Variants in MAGI1 observed in about 807,000 individuals in gnomAD.
The protein encoded by MAGI1 is membrane associated guanylate kinase, WW and PDZ domain containing 1.
A neutral mutation model predicts 139.9 loss-of-function variants in MAGI1; 58 were observed. The observed-to-expected ratio is 0.41, with a 90% confidence interval of 0.34 to 0.52. The LOEUF is 0.52. Ranked by LOEUF, MAGI1 falls within the 20% of genes least tolerant of loss-of-function variation. The probability of loss-of-function intolerance (pLI) is 0.12; values close to 1 mark genes in which losing one functional copy is unlikely to be tolerated. For synonymous variants in MAGI1, 812 were observed against 737.9 expected (o/e 1.10, Z -1.63); for missense variants, 1,874 against 1,901.6 (o/e 0.99, Z 0.27).
intron 1 of MAGI1, among the ~76,000 whole-genome samples, chr3:65,716,224 A>G (rs1452487246): frequency 6.6e-6 from 1 of 152,222 alleles, no homozygotes; most frequent in East Asian, 1.9e-4. Flanking sequence ...ATAGTTTCAC[A>G]CAGAGAATGA....
At chr3:65,387,339 G>A in intron 14 of MAGI1, 2 of 707,574 alleles carry the variant, frequency 2.8e-6, no homozygotes, top group Non-Finnish European at 4.8e-6. Flanking sequence ...CACAATAAAG[G>A]TCATGGCTGT....
intron 1 of MAGI1, among the ~76,000 whole-genome samples, chr3:65,889,431 G>C (rs1402239850): frequency 1.3e-5 from 2 of 152,182 alleles, no homozygotes; most frequent in African/African-American, 4.8e-5. Flanking sequence ...TTTCAGTACA[G>C]AGTCATGATT....
intron 1 of MAGI1, among the ~76,000 whole-genome samples, chr3:65,824,208 T>G (rs566765247): frequency 1.3e-5 from 2 of 152,228 alleles, no homozygotes; most frequent in African/African-American, 2.4e-5. Flanking sequence ...ATTTGGAACT[T>G]GACATAATTT....
chr3:65,823,823 G>A (rs962019866), intron 1 of MAGI1, among the ~76,000 whole-genome samples: 1 of 152,138 alleles, frequency 6.6e-6, no homozygotes, highest in African/African-American at 2.4e-5. Context: ...AGGATGCTTC[G>A]TGAACCTTCC....
At chr3:65,657,122 T>C (rs1202634296) in intron 1 of MAGI1, among the ~76,000 whole-genome samples, 1 of 152,076 alleles carries the variant, frequency 6.6e-6, no homozygotes, top group Non-Finnish European at 1.5e-5. Context: ...ATCCCCTACC[T>C]GGAATCCACG....
chr3:65,975,049 T>A (rs1383992751), intron 1 of MAGI1, among the ~76,000 whole-genome samples: 1 of 150,704 alleles, frequency 6.6e-6, no homozygotes, highest in Non-Finnish European at 1.5e-5. Flanking sequence ...CTTATTCAAA[T>A]CATTCATATT....
intron 3 of MAGI1, among the ~76,000 whole-genome samples, chr3:65,490,837 C>G (rs1467095368): frequency 1.6e-5 from 1 of 60,778 alleles, no homozygotes; most frequent in African/African-American, 7.0e-5. Context: ...GAGCGAGACT[C>G]TGTCTCAAAA....
At chr3:65,464,176 T>A (rs9985325) in intron 5 of MAGI1, among the ~76,000 whole-genome samples, 11 of 152,160 alleles carry the variant, frequency 7.2e-5, no homozygotes, top group African/African-American at 2.2e-4. Context: ...TCAATTTTTT[T>A]AATCCTTTTG....
At chr3:65,371,157 G>T (rs770412483) in intron 18 of MAGI1, among the ~76,000 whole-genome samples, 2 of 152,172 alleles carry the variant, frequency 1.3e-5, no homozygotes, top group South Asian at 2.1e-4. Context: ...CCTGCGTCCT[G>T]TTCTTTTGGG....
At chr3:65,366,514 G>A (rs981284097) in intron 18 of MAGI1, among the ~76,000 whole-genome samples, 1 of 152,132 alleles carries the variant, frequency 6.6e-6, no homozygotes, top group African/African-American at 2.4e-5. Context: ...AAGCTGGGGA[G>A]GTGGTGTTTC....
chr3:65,459,830 G>T lies in MAGI1; in HGVS notation c.960-6490C>A, dbSNP rs556649916. 6.9e-4 allele frequency among the ~76,000 whole-genome samples: 105 copies of T among 152,214 alleles called. 1 individual carries two copies. Among genetic ancestry groups the T allele is most frequent in the South Asian group, 5.8e-3 (28 of 4,826 alleles). On this transcript the variant is annotated intron_variant, in intron 5 of 22. Transcript: ENST00000402939. ...TCCCAGCTACTTGGGAGGCTGAGGT[G>T]GGAGAATCACCTGAGCTCAGAGAAG...
intron 1 of MAGI1, among the ~76,000 whole-genome samples, chr3:66,011,132 T>C (rs1167507596): frequency 2.0e-5 from 3 of 152,178 alleles, no homozygotes; most frequent in African/African-American, 7.2e-5. Flanking sequence ...ACAAAAGAAT[T>C]TACCTTTCCT....
At chr3:65,422,193 C>T (rs12493392) in intron 12 of MAGI1, among the ~76,000 whole-genome samples, 9,178 of 152,234 alleles carry the variant, frequency 0.06, 366 homozygotes, top group South Asian at 0.13. Flanking sequence ...TCTTGAAGTG[C>T]GGACAGATGG....
chr3:65,681,619 C>A (rs965276997), intron 1 of MAGI1, among the ~76,000 whole-genome samples: 33 of 152,210 alleles, frequency 2.2e-4, no homozygotes, highest in African/African-American at 7.7e-4. Context: ...TACTAGCAGA[C>A]CCTCTGCACT....
Position 65,561,936 on chromosome 3 carries a change from G to T in MAGI1, c.430+60036C>A, listed in dbSNP as rs550832742. On this transcript the variant is annotated intron_variant, in intron 2 of 22. Transcript: ENST00000402939. ...TCGTTCAACCACAGTTTGACAATAGGTGCTTATGGTACAATAAGATATTTT... is the reference window on the plus strand; with the variant it reads ...TCGTTCAACCACAGTTTGACAATAGTTGCTTATGGTACAATAAGATATTTT... 3.9e-5 allele frequency among the ~76,000 whole-genome samples: 6 copies of T among 152,112 alleles called. No individual in the cohort carries two copies. In the South Asian group the frequency reaches 1.2e-3, roughly 32 times the overall value.
chr3:65,863,162 G>A (rs757370980), intron 1 of MAGI1, among the ~76,000 whole-genome samples: 25 of 152,114 alleles, frequency 1.6e-4, no homozygotes, highest in East Asian at 3.9e-4. Flanking sequence ...GACAAAATTC[G>A]GATCAATCTT....
intron 2 of MAGI1, among the ~76,000 whole-genome samples, chr3:65,582,519 A>G (rs1436897393): frequency 6.6e-6 from 1 of 152,194 alleles, no homozygotes; most frequent in Non-Finnish European, 1.5e-5. Context: ...GCTCTTTGGA[A>G]TTCCTATTAG....
At chr3:65,727,795 G>A (rs72906195) in intron 1 of MAGI1, among the ~76,000 whole-genome samples, 3 of 152,298 alleles carry the variant, frequency 2.0e-5, no homozygotes, top group African/African-American at 7.2e-5. Context: ...GATCAACAAG[G>A]TAGGCAAGAC....
intron 2 of MAGI1, among the ~76,000 whole-genome samples, chr3:65,555,772 C>T (rs541133637): frequency 8.5e-5 from 13 of 152,236 alleles, no homozygotes; most frequent in African/African-American, 2.4e-4. Flanking sequence ...GCAGGAGAAT[C>T]GCTTGAGCCC....
Sources: gnomAD v4.1 joint callset for allele counts (sites outside exome capture counted in the v4.1 genomes callset) on GRCh38, gnomAD v4.1.1 for gene constraint, MANE v1.5 for transcripts, NCBI Gene and HGNC (gene_info 2026-07-23, HGNC 2026-07-21) for gene names.